CTNNA3: variants seen among roughly 807,000 people sequenced by gnomAD.
CTNNA3 encodes catenin alpha-3.
CTNNA3 carries 76 observed loss-of-function variants against 95.7 expected under a neutral mutation model. The ratio of observed to expected loss-of-function variants is 0.79; its 90% confidence interval spans 0.66 to 0.96. CTNNA3 has a LOEUF of 0.96. CTNNA3 is among the 40% of genes least tolerant of loss of function. The probability of loss-of-function intolerance (pLI) is 0.00; values close to 1 mark genes in which losing one functional copy is unlikely to be tolerated. For synonymous variants in CTNNA3, 431 were observed against 374.4 expected (o/e 1.15, Z -1.74); for missense variants, 1,191 against 1,089.8 (o/e 1.09, Z -1.31).
chr10:66,013,523 A>T (rs1388733717), intron 15 of CTNNA3, among the ~76,000 whole-genome samples: 1 of 152,228 alleles, frequency 6.6e-6, no homozygotes, highest in Non-Finnish European at 1.5e-5. Context: ...ACACACATAC[A>T]CACATCACAC....
At chr10:66,877,200 G>A (rs1012412540) in intron 7 of CTNNA3, among the ~76,000 whole-genome samples, 1 of 152,104 alleles carries the variant, frequency 6.6e-6, no homozygotes, top group Non-Finnish European at 1.5e-5. Context: ...AGTATGGTAA[G>A]GGTTTGGGCA....
intron 7 of CTNNA3, among the ~76,000 whole-genome samples, chr10:67,012,698 G>A (rs1170024837): frequency 6.6e-6 from 1 of 152,056 alleles, no homozygotes; most frequent in African/African-American, 2.4e-5. Context: ...TTGGACAAAT[G>A]TAATCACGTC....
intron 1 of CTNNA3, among the ~76,000 whole-genome samples, chr10:67,756,640 A>T (rs1013948302): frequency 2.0e-5 from 3 of 152,204 alleles, no homozygotes; most frequent in South Asian, 2.1e-4. Flanking sequence ...GGCAAACAGA[A>T]TATAGAGACA....
chr10:67,583,187 T>C (rs989025171), intron 3 of CTNNA3, among the ~76,000 whole-genome samples: 3 of 152,184 alleles, frequency 2.0e-5, no homozygotes, highest in African/African-American at 7.2e-5. Flanking sequence ...GGTTTTGCAG[T>C]GGCTGGTACC....
intron 4 of CTNNA3, among the ~76,000 whole-genome samples, chr10:67,535,699 A>G (rs763654366): frequency 7.9e-5 from 12 of 152,162 alleles, no homozygotes; most frequent in Non-Finnish European, 1.5e-4. Flanking sequence ...TCAACATTTC[A>G]TGGAAGTTAC....
At chr10:66,798,724 TA>T (rs1337916251) in intron 7 of CTNNA3, among the ~76,000 whole-genome samples, 1 of 151,642 alleles carries the variant, frequency 6.6e-6, no homozygotes, top group Non-Finnish European at 1.5e-5. Context: ...AGTATCAGTA[TA>T]TAGTGAGTAT....
At chr10:66,027,358 T>G (rs144854197) in intron 15 of CTNNA3, among the ~76,000 whole-genome samples, 1 of 152,334 alleles carries the variant, frequency 6.6e-6, no homozygotes, top group Non-Finnish European at 1.5e-5. Flanking sequence ...TAACAATTAG[T>G]CTTATTGTTG....
At chr10:67,275,514 C>T (rs972096843) in intron 5 of CTNNA3, among the ~76,000 whole-genome samples, 3 of 151,844 alleles carry the variant, frequency 2.0e-5, no homozygotes, top group African/African-American at 7.3e-5. Flanking sequence ...AATGAATGTG[C>T]TAAGCGTATA....
chr10:66,103,852 A>G (rs2081762049), intron 13 of CTNNA3, among the ~76,000 whole-genome samples: 1 of 152,186 alleles, frequency 6.6e-6, no homozygotes, highest in Admixed American at 6.5e-5. Flanking sequence ...TGAGTTTCAT[A>G]CTTCAAAATG....
chr10:66,583,301 TG>T (rs1843253209), intron 10 of CTNNA3, among the ~76,000 whole-genome samples: 3 of 1,340 alleles, frequency 2.2e-3, no homozygotes, highest in African/African-American at 8.3e-3. Flanking sequence ...TTTTGGTTTT[TG>T]TTGTTGTTGT....
chr10:66,370,406 G>C (rs183790661), intron 12 of CTNNA3, among the ~76,000 whole-genome samples: 119 of 152,234 alleles, frequency 7.8e-4, no homozygotes, highest in African/African-American at 2.8e-3. Context: ...CCTTCTGCCA[G>C]TTTGTCTACA....
intron 1 of CTNNA3, among the ~76,000 whole-genome samples, chr10:67,737,960 CAT>C (rs1309319723): frequency 1.3e-5 from 2 of 152,208 alleles, no homozygotes; most frequent in African/African-American, 2.4e-5. Flanking sequence ...CCTACAGGCA[CAT>C]GTCAGTACCC....
At chr10:66,529,000 C>T (rs1210491949) in intron 10 of CTNNA3, among the ~76,000 whole-genome samples, 1 of 151,938 alleles carries the variant, frequency 6.6e-6, no homozygotes, top group East Asian at 1.9e-4. Flanking sequence ...TATTTGACAG[C>T]ATTTTAAAAT....
At chr10:67,423,603 C>G (rs1237589806) in intron 5 of CTNNA3, among the ~76,000 whole-genome samples, 2 of 152,078 alleles carry the variant, frequency 1.3e-5, no homozygotes, top group Non-Finnish European at 2.9e-5. Context: ...AAAATGAGAA[C>G]TAGAATATTC....
intron 7 of CTNNA3, among the ~76,000 whole-genome samples, chr10:67,158,284 A>C: frequency 6.6e-6 from 1 of 152,120 alleles, no homozygotes; most frequent in East Asian, 1.9e-4. Flanking sequence ...AAATTATATA[A>C]TACTATAGGC....
chr10:66,598,904 A>T (rs1374551378), intron 10 of CTNNA3, among the ~76,000 whole-genome samples: 1 of 151,972 alleles, frequency 6.6e-6, no homozygotes, highest in Non-Finnish European at 1.5e-5. Context: ...ACTGTAAGTC[A>T]TATGGAACCA....
At chr10:67,437,795 T>C (rs1050152260) in intron 5 of CTNNA3, among the ~76,000 whole-genome samples, 2 of 151,932 alleles carry the variant, frequency 1.3e-5, no homozygotes, top group African/African-American at 4.8e-5. Flanking sequence ...ACTTTCTGAC[T>C]GGGTATAAAA....
At chr10:67,505,664 C>T (rs997973848) in intron 5 of CTNNA3, among the ~76,000 whole-genome samples, 1 of 152,150 alleles carries the variant, frequency 6.6e-6, no homozygotes, top group Non-Finnish European at 1.5e-5. Flanking sequence ...ATAAGTACTC[C>T]GTATCAACAA....
intron 5 of CTNNA3, among the ~76,000 whole-genome samples, chr10:67,225,814 C>T (rs989292526): frequency 4.6e-5 from 7 of 152,144 alleles, no homozygotes; most frequent in Non-Finnish European, 1.0e-4. Context: ...CAAAACAAGG[C>T]TCTTTAGCAC....
Sources: allele counts gnomAD v4.1 joint callset (sites outside exome capture counted in the v4.1 genomes callset), GRCh38; gene constraint gnomAD v4.1.1; transcripts MANE v1.5; gene names NCBI Gene and HGNC (gene_info 2026-07-23, HGNC 2026-07-21).